The following XIRP2 variants were observed in gnomAD, a reference collection of about 807,000 sequenced individuals.
XIRP2 encodes the protein xin actin binding repeat containing 2.
Under a neutral mutation model 277.0 loss-of-function variants are expected in XIRP2, and 236 were observed. That is an observed-to-expected ratio of 0.85 (90% CI 0.77 to 0.95). The LOEUF (loss-of-function observed/expected upper bound fraction) is 0.95, where lower values mean the gene tolerates loss of function less well. Ranked by LOEUF, XIRP2 falls within the 40% of genes least tolerant of loss-of-function variation. The pLI, the probability that XIRP2 is intolerant of heterozygous loss-of-function variation, is 0.00. For missense variants in XIRP2, 4,640 were observed against 4,157.5 expected (o/e 1.12, Z -3.19); for synonymous variants, 1,490 against 1,416.5 (o/e 1.05, Z -1.17).
In XIRP2 at chr2:167,248,649, G is replaced by T. The variant is rs1263475849; in HGVS notation, c.7257G>T (p.Leu2419Phe). The change falls in exon 9 of 11, where the codon TTG (leucine) becomes TTT (phenylalanine). Residue 2419 changes from leucine (L) to phenylalanine (F), a missense_variant. Physicochemically the swap from Leu to Phe is conservative, Grantham distance 22 (BLOSUM62 0). Transcript: ENST00000409195. ...TCATAACAGGAAAAACCGGTGTGTT[G>T]CCACCTCCCACATTGCCCAAACCCA... ...AKIITGKTGVLPPPTLPKPKL... is the reference protein window; with the variant it reads ...AKIITGKTGVFPPPTLPKPKL... 1.2e-6 allele frequency: 2 copies of T among 1,613,596 alleles called. No individual in the cohort carries two copies. The highest frequency in any genetic ancestry group is 1.7e-6 in the Non-Finnish European group (2 of 1,179,788).
At chr2:167,162,072 A>G (rs1013650921) in intron 3 of XIRP2, among the ~76,000 whole-genome samples, 1 of 152,188 alleles carries the variant, frequency 6.6e-6, no homozygotes, top group Non-Finnish European at 1.5e-5. Context: ...GTTCCCAACA[A>G]GTTTCTCATC....
intron 2 of XIRP2, among the ~76,000 whole-genome samples, chr2:167,055,903 A>T (rs545819121): frequency 5.9e-5 from 9 of 152,168 alleles, no homozygotes; most frequent in Non-Finnish European, 1.3e-4. Context: ...GTTATATAAA[A>T]TGCATTAACA....
chr2:166,915,405 G>A (rs962868463), intron 2 of XIRP2, among the ~76,000 whole-genome samples: 5 of 151,948 alleles, frequency 3.3e-5, no homozygotes, highest in Admixed American at 2.0e-4. Context: ...TCTGCTGTTG[G>A]GTGATATAGA....
chr2:167,012,860 T>G (rs115957037), intron 2 of XIRP2, among the ~76,000 whole-genome samples: 4,974 of 151,630 alleles, frequency 0.033, 114 homozygotes, highest in East Asian at 0.078. Context: ...TTCAATATCA[T>G]AGACTCCAAA....
chr2:167,010,890 A>T (rs1687657867), intron 2 of XIRP2, among the ~76,000 whole-genome samples: 1 of 151,950 alleles, frequency 6.6e-6, no homozygotes, highest in Non-Finnish European at 1.5e-5. Context: ...TTGGTGTATA[A>T]GAATGCTTGT....
At chr2:167,083,809 G>T (rs1336086839) in intron 2 of XIRP2, among the ~76,000 whole-genome samples, 1 of 152,166 alleles carries the variant, frequency 6.6e-6, no homozygotes, top group African/African-American at 2.4e-5. Context: ...AGACTTTGCT[G>T]AAGTTGCTTG....
At chr2:167,187,482 G>A (rs1205151084) in intron 3 of XIRP2, 1 of 985,126 alleles carries the variant, frequency 1.0e-6, no homozygotes, top group Non-Finnish European at 1.2e-6. Flanking sequence ...GAACTATAAA[G>A]ATATATGATA....
At chr2:167,048,670 T>A (rs1430647388) in intron 2 of XIRP2, among the ~76,000 whole-genome samples, 1 of 151,824 alleles carries the variant, frequency 6.6e-6, no homozygotes, top group Non-Finnish European at 1.5e-5. Flanking sequence ...ATAAACTTGT[T>A]ATAAGGGGAT....
intron 2 of XIRP2, among the ~76,000 whole-genome samples, chr2:166,982,022 T>C (rs1005421912): frequency 3.3e-5 from 5 of 152,174 alleles, no homozygotes; most frequent in Non-Finnish European, 7.4e-5. Context: ...GCATTTTCAG[T>C]GTAGATCTGC....
At chr2:167,254,375 C>T (rs1361868738) in intron 10 of XIRP2, among the ~76,000 whole-genome samples, 1 of 151,910 alleles carries the variant, frequency 6.6e-6, no homozygotes, top group African/African-American at 2.4e-5. Context: ...CCAAAAGCAT[C>T]CCTTTTGTCT....
intron 2 of XIRP2, among the ~76,000 whole-genome samples, chr2:167,071,318 A>G (rs1689431735): frequency 6.6e-6 from 1 of 151,082 alleles, no homozygotes; most frequent in South Asian, 2.1e-4. Flanking sequence ...ATGAATTAAC[A>G]AAGTTAAAAC....
intron 2 of XIRP2, among the ~76,000 whole-genome samples, chr2:166,935,159 T>C (rs1685458457): frequency 6.6e-6 from 1 of 152,212 alleles, no homozygotes; most frequent in Non-Finnish European, 1.5e-5. Context: ...TAATGAAGTT[T>C]TTGAAATTTA....
At chr2:167,217,005 C>G (rs961062015) in intron 4 of XIRP2, among the ~76,000 whole-genome samples, 3 of 143,274 alleles carry the variant, frequency 2.1e-5, no homozygotes, top group African/African-American at 8.4e-5. Flanking sequence ...AAATTGGAAA[C>G]CATCATTCTC....
At chr2:166,937,451 G>C (rs929006108) in intron 2 of XIRP2, among the ~76,000 whole-genome samples, 4 of 152,140 alleles carry the variant, frequency 2.6e-5, no homozygotes, top group African/African-American at 7.2e-5. Context: ...AAGCCGACTT[G>C]GTCATGGTGG....
chr2:167,037,430 C>T (rs966065603), intron 2 of XIRP2, among the ~76,000 whole-genome samples: 1 of 151,558 alleles, frequency 6.6e-6, no homozygotes, highest in Non-Finnish European at 1.5e-5. Context: ...GCTTGCTATT[C>T]TTGAAGAAAT....
chr2:166,997,791 G>A lies in XIRP2; in HGVS notation c.408+93901G>A, dbSNP rs566762891. Among the ~76,000 whole-genome samples the A allele has an allele frequency of 2.0e-5, 3 of 152,058 alleles. No homozygotes were observed. The South Asian group carries it at 6.2e-4, about 32-fold the overall frequency. ...ATGGTGGCGGGCACCTGTAGTCCCA[G>A]CTACTCGGGAGGCTGAAGCAGGAGA... On this transcript the variant is annotated intron_variant, in intron 2 of 10. Transcript: ENST00000409195.
intron 2 of XIRP2, among the ~76,000 whole-genome samples, chr2:166,935,830 G>T (rs757634913): frequency 1.4e-4 from 22 of 152,252 alleles, no homozygotes; most frequent in South Asian, 8.3e-4. Flanking sequence ...CATTTGGGTT[G>T]GTTAAAAGTC....
intron 3 of XIRP2, among the ~76,000 whole-genome samples, chr2:167,186,796 T>C (rs1243285785): frequency 6.6e-6 from 1 of 151,546 alleles, no homozygotes; most frequent in Non-Finnish European, 1.5e-5. Context: ...CTTTCCACCA[T>C]TCTTCCTTGT....
rs113096341 is a variant in XIRP2 at position 166,900,340 on chromosome 2, G to A, written c.-18-3125G>A. Among the ~76,000 whole-genome samples the A allele has an allele frequency of 5.3e-5, 8 of 151,614 alleles. 1 individual carries two copies. Among genetic ancestry groups the A allele is most frequent in the African/African-American group, 1.9e-4 (8 of 41,356 alleles). ...GAATTTTAATTCGTTTCTTCTTTGCGTCTTCTATTTGTTTGCTAAGGCTTT... is the reference window on the plus strand; with the variant it reads ...GAATTTTAATTCGTTTCTTCTTTGCATCTTCTATTTGTTTGCTAAGGCTTT... On this transcript the variant is annotated intron_variant, in intron 1 of 10. Transcript: ENST00000409195.
Sources: gnomAD v4.1 joint callset for allele counts (sites outside exome capture counted in the v4.1 genomes callset) on GRCh38, gnomAD v4.1.1 for gene constraint, MANE v1.5 for transcripts, NCBI Gene and HGNC (gene_info 2026-07-23, HGNC 2026-07-21) for gene names.